Variants in CSTPP1 observed in about 807,000 individuals in gnomAD.
The protein encoded by CSTPP1 is centriolar satellite-associated tubulin polyglutamylase complex regulator 1.
At chr11:47,119,806 TC>T in the CSTPP1 span, among the ~76,000 whole-genome samples, 2 of 151,940 alleles carry the variant, frequency 1.3e-5, no homozygotes, top group Admixed American at 6.6e-5. Flanking sequence ...AGACAGGGTT[TC>T]TCCACGTTGG....
chr11:47,001,784 AG>A, the CSTPP1 span, among the ~76,000 whole-genome samples: 1 of 152,296 alleles, frequency 6.6e-6, no homozygotes, highest in East Asian at 1.9e-4. Context: ...AGATTTTTTA[AG>A]GATCATTCAC....
At chr11:47,088,325 AAT>A in the CSTPP1 span, among the ~76,000 whole-genome samples, 1 of 152,208 alleles carries the variant, frequency 6.6e-6, no homozygotes. Flanking sequence ...GTCTACACTT[AAT>A]ATACATATAC....
At chr11:46,961,224 A>G in the CSTPP1 span, among the ~76,000 whole-genome samples, 1 of 152,008 alleles carries the variant, frequency 6.6e-6, no homozygotes, top group Non-Finnish European at 1.5e-5. Context: ...ATCCTTTCCA[A>G]CACTTGTTGT....
the CSTPP1 span, among the ~76,000 whole-genome samples, chr11:46,963,582 G>A: frequency 2.0e-5 from 3 of 151,774 alleles, no homozygotes; most frequent in South Asian, 2.1e-4. Context: ...CCAGGAGTTC[G>A]AGACCAGCCT....
the CSTPP1 span, among the ~76,000 whole-genome samples, chr11:47,084,085 T>G: frequency 6.6e-6 from 1 of 152,236 alleles, no homozygotes; most frequent in African/African-American, 2.4e-5. Context: ...TTGTCAGTCT[T>G]TTGCATTTTA....
At chr11:47,039,963 A>G in the CSTPP1 span, among the ~76,000 whole-genome samples, 1 of 129,064 alleles carries the variant, frequency 7.7e-6, no homozygotes, top group Non-Finnish European at 1.8e-5. Flanking sequence ...AATAGATACT[A>G]AAATTTGTGA....
At chr11:47,156,999 A>C in the CSTPP1 span, 6 of 1,613,256 alleles carry the variant, frequency 3.7e-6, no homozygotes, top group African/African-American at 2.7e-5. Context: ...GTCCACACCC[A>C]CACCCCCACC....
chr11:47,059,590 G>A, the CSTPP1 span, among the ~76,000 whole-genome samples: 1 of 152,190 alleles, frequency 6.6e-6, no homozygotes, highest in Non-Finnish European at 1.5e-5. Flanking sequence ...ATTTCTGAAA[G>A]TATGATAACA....
the CSTPP1 span, among the ~76,000 whole-genome samples, chr11:47,023,186 A>G: frequency 6.6e-6 from 1 of 152,220 alleles, no homozygotes; most frequent in Non-Finnish European, 1.5e-5. Flanking sequence ...CCAGTTTTTC[A>G]TTCCATCAGG....
the CSTPP1 span, among the ~76,000 whole-genome samples, chr11:47,111,362 C>G: frequency 6.6e-6 from 1 of 152,168 alleles, no homozygotes; most frequent in African/African-American, 2.4e-5. Context: ...TTCCCCGCTA[C>G]GAGTGCATTC....
At chr11:46,937,508 GA>G in the CSTPP1 span, among the ~76,000 whole-genome samples, 2 of 152,096 alleles carry the variant, frequency 1.3e-5, no homozygotes, top group East Asian at 3.8e-4. Flanking sequence ...TTTAATGAAT[GA>G]AAAAAGGCAC....
At chr11:47,048,343 C>CTTT in the CSTPP1 span, among the ~76,000 whole-genome samples, 1 of 151,956 alleles carries the variant, frequency 6.6e-6, no homozygotes, top group East Asian at 1.9e-4. Flanking sequence ...AATTTATGGC[C>CTTT]CTGCAGTGGC....
At chr11:47,137,300 T>C in the CSTPP1 span, 4 of 1,336,924 alleles carry the variant, frequency 3.0e-6, no homozygotes, top group African/African-American at 5.9e-5. Context: ...GGCTTTGAAA[T>C]GACTTGTTCT....
the CSTPP1 span, among the ~76,000 whole-genome samples, chr11:47,142,119 A>G: frequency 1.3e-5 from 2 of 150,574 alleles, no homozygotes; most frequent in African/African-American, 4.9e-5. Flanking sequence ...GATGCACGCC[A>G]GTAGTCCCAG....
At chr11:47,062,224 A>T in the CSTPP1 span, among the ~76,000 whole-genome samples, 1 of 152,212 alleles carries the variant, frequency 6.6e-6, no homozygotes, top group Non-Finnish European at 1.5e-5. Flanking sequence ...TAAAATTATA[A>T]ACTTTATGAG....
the CSTPP1 span, among the ~76,000 whole-genome samples, chr11:47,007,672 C>G: frequency 6.8e-6 from 1 of 146,908 alleles, no homozygotes; most frequent in Non-Finnish European, 1.5e-5. Flanking sequence ...TTTTTTTTCT[C>G]TAGTTGAGTT....
At chr11:47,050,424 C>T in the CSTPP1 span, among the ~76,000 whole-genome samples, 2 of 152,226 alleles carry the variant, frequency 1.3e-5, no homozygotes, top group East Asian at 3.9e-4. Context: ...AGGAGAAAGT[C>T]CAGTAACTTT....
the CSTPP1 span, among the ~76,000 whole-genome samples, chr11:47,005,863 GAATT>G: frequency 6.6e-6 from 1 of 152,076 alleles, no homozygotes; most frequent in African/African-American, 2.4e-5. Context: ...AATAAGTGTT[GAATT>G]AATTAGTAGC....
the CSTPP1 span, among the ~76,000 whole-genome samples, chr11:47,011,738 G>A: frequency 6.6e-6 from 1 of 151,946 alleles, no homozygotes; most frequent in Admixed American, 6.6e-5. Context: ...TGCCCTAATT[G>A]GCAGGTTTTC....
Sources: gnomAD v4.1 joint callset for allele counts (sites outside exome capture counted in the v4.1 genomes callset) on GRCh38, gnomAD v4.1.1 for gene constraint, MANE v1.5 for transcripts, NCBI Gene and HGNC (gene_info 2026-07-23, HGNC 2026-07-21) for gene names.